ST8SIA4: variants seen among roughly 807,000 people sequenced by gnomAD.
ST8SIA4 encodes the protein ST8 alpha-N-acetyl-neuraminide alpha-2,8-sialyltransferase 4.
ST8SIA4 carries 15 observed loss-of-function variants against 33.9 expected under a neutral mutation model. The observed-to-expected ratio is 0.44, with a 90% CI of 0.30 to 0.68. ST8SIA4 has a LOEUF of 0.68. Ranked by LOEUF, ST8SIA4 falls within the 30% of genes least tolerant of loss-of-function variation. The probability of loss-of-function intolerance (pLI) is 0.10; values close to 1 mark genes in which losing one functional copy is unlikely to be tolerated. For synonymous variants in ST8SIA4, 171 were observed against 151.2 expected (o/e 1.13, Z -0.96); for missense variants, 321 against 428.0 (o/e 0.75, Z 2.21).
intron 1 of ST8SIA4, among the ~76,000 whole-genome samples, chr5:100,902,595 C>T (rs1185874721): frequency 1.3e-5 from 2 of 152,124 alleles, no homozygotes; most frequent in Non-Finnish European, 2.9e-5. Context: ...TCTCCTTTGG[C>T]GAGAGAGCAC....
chr5:100,885,280 C>T (rs1242538960), intron 3 of ST8SIA4: 1 of 796,318 alleles, frequency 1.3e-6, no homozygotes, highest in Admixed American at 6.2e-5. Context: ...TAATCTCTGA[C>T]CCTTCACCCA....
At position 100,810,208 on chromosome 5, in the gene ST8SIA4, T is replaced by G. The variant is rs1750786785; in HGVS notation, c.*1639A>C. 6.6e-6 allele frequency: 1 copy of G among 152,198 alleles called. No homozygotes were observed. The highest frequency in any genetic ancestry group is 2.4e-5 in the African/African-American group (1 of 41,452). 9.4% of individuals were successfully genotyped at this position (152,198 alleles called of 1,614,324 possible). On this transcript the variant is annotated 3_prime_UTR_variant, in exon 5 of 5. Transcript: ENST00000231461. ...CTGTTATACATTAAAAATTTTTTAA[T>G]TACTTTATTAATAATTTCATGTGTT...
chr5:100,845,990 T>C (rs17724185), intron 4 of ST8SIA4, among the ~76,000 whole-genome samples: 41,450 of 151,812 alleles, frequency 0.27, 5,976 homozygotes, highest in Non-Finnish European at 0.32. Flanking sequence ...ACTTGCTCTT[T>C]TATTTTTACC....
At position 100,849,266 on chromosome 5, in the gene ST8SIA4, C is replaced by T. The variant is rs534934932; in HGVS notation, c.797+6837G>A. On this transcript the variant is annotated intron_variant, in intron 4 of 4. Transcript: ENST00000231461. ...ATCTATACGATTATATACATTGGTA[C>T]GTATATTTTAATGGTTATAAATCTG... The T allele has an allele frequency of 1.0e-5, 10 of 983,652 alleles. No homozygotes were observed. The African/African-American group carries it at 1.0e-4, about 10-fold the overall frequency. The allele number at this position is 983,652 out of a possible 1,614,324, so 60.9% of individuals were successfully genotyped here. A position where few individuals can be genotyped will look rare whatever the true frequency, so the allele number is the denominator to read the frequency against.
At chr5:100,824,613 C>A (rs368418771) in intron 4 of ST8SIA4, among the ~76,000 whole-genome samples, 20 of 151,780 alleles carry the variant, frequency 1.3e-4, no homozygotes, top group Admixed American at 3.9e-4. Flanking sequence ...AACTAAGGAA[C>A]TCTGTTATAT....
intron 4 of ST8SIA4, among the ~76,000 whole-genome samples, chr5:100,850,034 C>T (rs901163058): frequency 1.3e-5 from 2 of 151,876 alleles, no homozygotes; most frequent in African/African-American, 4.8e-5. Context: ...AGATAAATAA[C>T]AAAAACAAAA....
intron 4 of ST8SIA4, among the ~76,000 whole-genome samples, chr5:100,831,066 G>C (rs1460823765): frequency 2.6e-5 from 4 of 152,116 alleles, no homozygotes; most frequent in Non-Finnish European, 5.9e-5. Context: ...CTCTTCAATA[G>C]TATTAATTGA....
At chr5:100,856,671 C>T (rs991413629) in intron 3 of ST8SIA4, among the ~76,000 whole-genome samples, 1 of 152,152 alleles carries the variant, frequency 6.6e-6, no homozygotes, top group African/African-American at 2.4e-5. Flanking sequence ...GCTATTATCT[C>T]ATAAAACCAC....
At chr5:100,868,469 G>C (rs1273212649) in intron 3 of ST8SIA4, among the ~76,000 whole-genome samples, 5 of 151,842 alleles carry the variant, frequency 3.3e-5, no homozygotes, top group African/African-American at 1.2e-4. Flanking sequence ...CTTGCCACAG[G>C]GACTGTCAAC....
intron 2 of ST8SIA4, among the ~76,000 whole-genome samples, chr5:100,890,239 G>T (rs6898344): frequency 6.6e-6 from 1 of 151,790 alleles, no homozygotes; most frequent in Non-Finnish European, 1.5e-5. Context: ...TTAGATTGTA[G>T]ATGTAATGGC....
At chr5:100,854,761 A>G (rs942009731) in intron 4 of ST8SIA4, among the ~76,000 whole-genome samples, 2 of 152,230 alleles carry the variant, frequency 1.3e-5, no homozygotes, top group Admixed American at 6.5e-5. Context: ...CTATTACAGT[A>G]TAAGAAACTA....
intron 4 of ST8SIA4, among the ~76,000 whole-genome samples, chr5:100,848,537 G>A (rs1751616011): frequency 6.7e-6 from 1 of 149,838 alleles, no homozygotes; most frequent in South Asian, 2.1e-4. Context: ...GAAACAGCAA[G>A]AGAATACATA....
chr5:100,888,200 GA>G lies in ST8SIA4; in HGVS notation c.246-1601del, dbSNP rs1275706895. ...GTCCGGGACCCTAGTAGATTTTAAG[GA>G]AAAAAAAAAAAACATATATATATAT... On this transcript the variant is annotated intron_variant, in intron 2 of 4. Transcript: ENST00000231461. 5.4e-3 allele frequency among the ~76,000 whole-genome samples: 728 copies of G among 134,826 alleles called. 1 individual carries two copies. Among genetic ancestry groups the G allele is most frequent in the Non-Finnish European group, 6.5e-3 (402 of 61,502 alleles). 88.5% of individuals were successfully genotyped at this position (134,826 alleles called of 152,430 possible).
intron 1 of ST8SIA4, among the ~76,000 whole-genome samples, chr5:100,901,229 C>A (rs1752902951): frequency 6.6e-6 from 1 of 152,170 alleles, no homozygotes; most frequent in Non-Finnish European, 1.5e-5. Context: ...CAGTATCTGG[C>A]GACCCTCTTC....
At chr5:100,902,458 A>G (rs1433564561) in intron 1 of ST8SIA4, among the ~76,000 whole-genome samples, 1 of 152,208 alleles carries the variant, frequency 6.6e-6, no homozygotes, top group Non-Finnish European at 1.5e-5. Flanking sequence ...TATCTCCAGT[A>G]TCTCCTTAGG....
intron 4 of ST8SIA4, among the ~76,000 whole-genome samples, chr5:100,829,767 A>G (rs1035684799): frequency 1.4e-4 from 22 of 151,978 alleles, no homozygotes; most frequent in African/African-American, 3.9e-4. Flanking sequence ...AATTAGCCGG[A>G]CGTGGTGGTG....
At chr5:100,816,283 A>AT (rs1413300355) in intron 4 of ST8SIA4, among the ~76,000 whole-genome samples, 1 of 152,200 alleles carries the variant, frequency 6.6e-6, no homozygotes, top group Non-Finnish European at 1.5e-5. Flanking sequence ...AATATTTTAG[A>AT]TTTTATCTCA....
intron 4 of ST8SIA4, among the ~76,000 whole-genome samples, chr5:100,830,520 C>T (rs76352172): frequency 0.012 from 1,778 of 152,274 alleles, 40 homozygotes; most frequent in African/African-American, 0.04. Flanking sequence ...AAGTTAGAAA[C>T]TGTCATATGC....
At chr5:100,880,887 T>C (rs1253454329) in intron 3 of ST8SIA4, among the ~76,000 whole-genome samples, 6 of 152,228 alleles carry the variant, frequency 3.9e-5, no homozygotes, top group Admixed American at 3.9e-4. Flanking sequence ...AAGATATTTG[T>C]ATGTGCCTGT....
Sources: allele counts gnomAD v4.1 joint callset (sites outside exome capture counted in the v4.1 genomes callset), GRCh38; gene constraint gnomAD v4.1.1; transcripts MANE v1.5; gene names NCBI Gene and HGNC (gene_info 2026-07-23, HGNC 2026-07-21).